The following NXPH1 variants were observed in gnomAD, a reference collection of about 807,000 sequenced individuals.
NXPH1 encodes neurexophilin 1, also known as neurexophilin-1.
Under a neutral mutation model 23.7 loss-of-function variants are expected in NXPH1, and 5 were observed. The ratio of observed to expected loss-of-function variants is 0.21; its 90% CI spans 0.11 to 0.44. The LOEUF (loss-of-function observed/expected upper bound fraction) is 0.44, where lower values mean the gene tolerates loss of function less well. Ranked by LOEUF, NXPH1 falls within the 20% of genes least tolerant of loss-of-function variation. NXPH1 has a pLI of 0.99. For missense variants in NXPH1, 324 were observed against 321.6 expected, an observed-to-expected ratio of 1.01 and a Z score of -0.06; for synonymous variants, 144 against 122.2, an observed-to-expected ratio of 1.18 and a Z score of -1.18.
At chr7:8,477,104 C>A (rs2128609282) in intron 2 of NXPH1, among the ~76,000 whole-genome samples, 1 of 152,174 alleles carries the variant, frequency 6.6e-6, no homozygotes, top group African/African-American at 2.4e-5. Context: ...GGAGAGTAAG[C>A]AAATGAAGAA....
At chr7:8,648,269 T>C (rs1202610542) in intron 2 of NXPH1, among the ~76,000 whole-genome samples, 1 of 152,194 alleles carries the variant, frequency 6.6e-6, no homozygotes, top group East Asian at 1.9e-4. Flanking sequence ...CATTCTTTTT[T>C]TTTCTTGTAG....
chr7:8,586,271 C>A (rs1353840439), intron 2 of NXPH1, among the ~76,000 whole-genome samples: 1 of 152,002 alleles, frequency 6.6e-6, no homozygotes, highest in Non-Finnish European at 1.5e-5. Flanking sequence ...AACAGGAATG[C>A]AAGGGGAGAA....
intron 2 of NXPH1, among the ~76,000 whole-genome samples, chr7:8,582,541 G>C (rs1237873711): frequency 6.6e-6 from 1 of 152,100 alleles, no homozygotes; most frequent in African/African-American, 2.4e-5. Context: ...ACCTGCAGTG[G>C]GTAGCTCTGC....
At chr7:8,748,155 A>C (rs1260587632) in intron 2 of NXPH1, among the ~76,000 whole-genome samples, 1 of 152,200 alleles carries the variant, frequency 6.6e-6, no homozygotes, top group Non-Finnish European at 1.5e-5. Flanking sequence ...ATTAATATTT[A>C]GTCCTTATTA....
In NXPH1 at chr7:8,751,356, C is replaced by G. The variant is rs762855683; in HGVS notation, c.403C>G (p.Leu135Val). 6.2e-6 allele frequency: 10 copies of G among 1,613,880 alleles called. No homozygotes were observed. Among genetic ancestry groups the G allele is most frequent in the Non-Finnish European group, 8.5e-6 (10 of 1,179,846 alleles). The change falls in exon 3 of 3, where the codon CTG (leucine) becomes GTG (valine). Residue 135 changes from leucine (L) to valine (V), a missense_variant. Coordinates refer to ENST00000405863, the MANE Select transcript of NXPH1 (RefSeq NM_152745.3). This position sits in a 1 kb window ranked among gnomAD's most constrained non-coding sequence, Gnocchi z 4.5. Reference protein sequence around the residue: ...HSNIKTVKLNLLITGKIVDHG... With the variant: ...HSNIKTVKLNVLITGKIVDHG... ...CAACATCAAAACAGTGAAGCTGAAC[C>G]TGTTGATAACTGGGAAAATTGTAGA...
chr7:8,628,650 C>T (rs948739129), intron 2 of NXPH1, among the ~76,000 whole-genome samples: 1 of 151,320 alleles, frequency 6.6e-6, no homozygotes, highest in Non-Finnish European at 1.5e-5. Context: ...ATAATCAATG[C>T]AGAGATTATC....
chr7:8,733,018 C>T (rs1026956321), intron 2 of NXPH1, among the ~76,000 whole-genome samples: 1 of 152,046 alleles, frequency 6.6e-6, no homozygotes, highest in Admixed American at 6.6e-5. Flanking sequence ...CTAATGCTAT[C>T]CCTCCCCTAG....
intron 2 of NXPH1, among the ~76,000 whole-genome samples, chr7:8,586,324 C>G (rs1818980470): frequency 6.6e-6 from 1 of 151,962 alleles, no homozygotes; most frequent in South Asian, 2.1e-4. Flanking sequence ...AGAATTTATT[C>G]CTGATCTCAA....
At chr7:8,596,143 G>A (rs1819217643) in intron 2 of NXPH1, among the ~76,000 whole-genome samples, 1 of 152,004 alleles carries the variant, frequency 6.6e-6, no homozygotes, top group Admixed American at 6.6e-5. Flanking sequence ...AATTAGTTAA[G>A]GTTGAGGACT....
chr7:8,441,963 C>T (rs1405941431), intron 2 of NXPH1, among the ~76,000 whole-genome samples: 1 of 151,998 alleles, frequency 6.6e-6, no homozygotes, highest in African/African-American at 2.4e-5. Context: ...GATTCTCTTG[C>T]TCCGGTGCCC....
At chr7:8,493,742 G>A (rs62446659) in intron 2 of NXPH1, among the ~76,000 whole-genome samples, 4,748 of 152,040 alleles carry the variant, frequency 0.031, 67 homozygotes, top group Non-Finnish European at 0.043. Flanking sequence ...TGTTCCAGTG[G>A]CACATGGCCA....
rs552461476 is a variant in NXPH1 at position 8,640,105 on chromosome 7, C to A, written c.55-110903C>A. Among the ~76,000 whole-genome samples, 83 of 152,196 alleles carry A rather than the reference C, an allele frequency of 5.5e-4. 2 individuals carry two copies. The South Asian group carries it at 0.017, about 32-fold the overall frequency. On this transcript the variant is annotated intron_variant, in intron 2 of 2. Coordinates refer to ENST00000405863, the MANE Select transcript of NXPH1 (RefSeq NM_152745.3). ...TGCAAATCCATATTCCCATCCACTACCTGCCTTTTAATTTTTGGTTGTTTT... is the reference window on the plus strand; with the variant it reads ...TGCAAATCCATATTCCCATCCACTAACTGCCTTTTAATTTTTGGTTGTTTT...
intron 2 of NXPH1, among the ~76,000 whole-genome samples, chr7:8,629,360 C>G (rs778681414): frequency 6.6e-6 from 1 of 151,990 alleles, no homozygotes; most frequent in Non-Finnish European, 1.5e-5. Flanking sequence ...TATTTTTGAG[C>G]TGAGACCAAC....
At chr7:8,739,509 G>A (rs1390641249) in intron 2 of NXPH1, among the ~76,000 whole-genome samples, 1 of 152,092 alleles carries the variant, frequency 6.6e-6, no homozygotes, top group Non-Finnish European at 1.5e-5. Flanking sequence ...GAGATGAGCT[G>A]CGTACCTCAG....
chr7:8,645,216 TACAC>T (rs1422164938), intron 2 of NXPH1, among the ~76,000 whole-genome samples: 2 of 152,180 alleles, frequency 1.3e-5, no homozygotes, highest in Non-Finnish European at 2.9e-5. Context: ...ATGAACTATA[TACAC>T]ATCTTTAATT....
intron 2 of NXPH1, among the ~76,000 whole-genome samples, chr7:8,536,348 A>G (rs1330721933): frequency 6.6e-6 from 1 of 152,046 alleles, no homozygotes; most frequent in African/African-American, 2.4e-5. Flanking sequence ...AGTGATAAGA[A>G]CATGGCTTTA....
intron 2 of NXPH1, among the ~76,000 whole-genome samples, chr7:8,677,788 CAA>C (rs1264151063): frequency 2.0e-5 from 3 of 151,306 alleles, no homozygotes; most frequent in African/African-American, 7.3e-5. Context: ...GATAATAAAA[CAA>C]TGCATTTTAC....
chr7:8,448,060 A>G (rs890804270), intron 2 of NXPH1, among the ~76,000 whole-genome samples: 3 of 152,222 alleles, frequency 2.0e-5, no homozygotes, highest in African/African-American at 7.2e-5. Flanking sequence ...GCAATTCTTA[A>G]GGGAAGCAGC....
intron 2 of NXPH1, among the ~76,000 whole-genome samples, chr7:8,628,610 G>C (rs149342158): frequency 6.6e-6 from 1 of 151,930 alleles, no homozygotes; most frequent in African/African-American, 2.4e-5. Flanking sequence ...GAACTGGGGG[G>C]TATGAAAGAA....
Sources: allele counts gnomAD v4.1 joint callset (sites outside exome capture counted in the v4.1 genomes callset), GRCh38; gene constraint gnomAD v4.1.1; non-coding constraint Gnocchi (gnomAD v3.1); transcripts MANE v1.5; gene names NCBI Gene and HGNC (gene_info 2026-07-23, HGNC 2026-07-21).